The following BCAT1 variants were observed in gnomAD, a reference collection of about 807,000 sequenced individuals.
BCAT1 encodes branched chain amino acid transaminase 1.
In BCAT1, 48 loss-of-function variants were observed where a neutral mutation model predicts 52.4. The observed-to-expected ratio is 0.92, with a 90% CI of 0.73 to 1.16. The LOEUF is 1.16. BCAT1 is among the 50% of genes most tolerant of loss of function. The probability of loss-of-function intolerance (pLI) is 0.00; values close to 1 mark genes in which losing one functional copy is unlikely to be tolerated. For synonymous variants in BCAT1, 167 were observed against 161.3 expected (o/e 1.04, Z -0.27); for missense variants, 451 against 457.1 (o/e 0.99, Z 0.12).
chr12:24,876,260 T>TAAAAAAAAAAAAAAAA (rs71448093), intron 5 of BCAT1, among the ~76,000 whole-genome samples: 2 of 109,846 alleles, frequency 1.8e-5, no homozygotes, highest in Admixed American at 1.0e-4. Context: ...GAGGGAGATG[T>TAAAAAAAAAAAAAAAA]AAAAAAAAAA....
intron 3 of BCAT1, among the ~76,000 whole-genome samples, chr12:24,882,414 A>G (rs997307948): frequency 3.9e-5 from 6 of 152,222 alleles, no homozygotes; most frequent in Non-Finnish European, 7.3e-5. Flanking sequence ...CAAATCATGT[A>G]TAATTAAAAA....
intron 3 of BCAT1, among the ~76,000 whole-genome samples, chr12:24,893,176 T>A (rs994745168): frequency 2.0e-5 from 3 of 152,226 alleles, no homozygotes; most frequent in African/African-American, 7.2e-5. Flanking sequence ...CTGTGTAATA[T>A]TAGTCAAGAA....
At chr12:24,882,413 T>C (rs76575381) in intron 3 of BCAT1, among the ~76,000 whole-genome samples, 2 of 152,270 alleles carry the variant, frequency 1.3e-5, no homozygotes, top group East Asian at 3.9e-4. Flanking sequence ...ACAAATCATG[T>C]ATAATTAAAA....
At chr12:24,901,504 T>G (rs1239151802) in intron 2 of BCAT1, among the ~76,000 whole-genome samples, 1 of 152,250 alleles carries the variant, frequency 6.6e-6, no homozygotes, top group Non-Finnish European at 1.5e-5. Context: ...ACAAGTAGAC[T>G]GAAGGTTTGT....
At chr12:24,833,501 G>C (rs1235836759) in intron 8 of BCAT1, among the ~76,000 whole-genome samples, 1 of 152,034 alleles carries the variant, frequency 6.6e-6, no homozygotes, top group Non-Finnish European at 1.5e-5. Context: ...CCTGGGTGAC[G>C]GAGTGAGACT....
Position 24,947,653 on chromosome 12 carries a change from T to C in BCAT1, c.6+1274A>G, listed in dbSNP as rs1253815391. 2.6e-5 allele frequency among the ~76,000 whole-genome samples: 4 copies of C among 152,338 alleles called. No homozygotes were observed. The East Asian group carries it at 7.7e-4, about 29-fold the overall frequency. ...ACTACTTGTAGATATCTTACCTAGT[T>C]CCCCATGTTATAAAAGTATCTTGTG... On this transcript the variant is annotated intron_variant, in intron 1 of 10. Coordinates refer to ENST00000261192, the MANE Select transcript of BCAT1 (RefSeq NM_005504.7).
At chr12:24,898,662 T>C (rs11047695) in intron 2 of BCAT1, among the ~76,000 whole-genome samples, 25,363 of 151,408 alleles carry the variant, frequency 0.17, 2,221 homozygotes, top group Middle Eastern at 0.27. Context: ...ATTACAGGCA[T>C]GTGTCATCGC....
intron 10 of BCAT1, among the ~76,000 whole-genome samples, chr12:24,818,583 G>T (rs995879868): frequency 6.6e-6 from 1 of 152,150 alleles, no homozygotes; most frequent in Non-Finnish European, 1.5e-5. Context: ...AAATGATTCC[G>T]ACATGCACTA....
chr12:24,932,594 T>C (rs1056594374), intron 1 of BCAT1, among the ~76,000 whole-genome samples: 1 of 152,252 alleles, frequency 6.6e-6, no homozygotes, highest in African/African-American at 2.4e-5. Flanking sequence ...AGTACTTACA[T>C]AGTACTTATT....
At chr12:24,820,823 T>C (rs2139316545) in intron 10 of BCAT1, among the ~76,000 whole-genome samples, 1 of 69,146 alleles carries the variant, frequency 1.4e-5, no homozygotes, top group Non-Finnish European at 3.0e-5. Flanking sequence ...GATAATTTCA[T>C]ACGGCTTTGC....
At chr12:24,863,179 G>C (rs138453244) in intron 5 of BCAT1, among the ~76,000 whole-genome samples, 6 of 152,186 alleles carry the variant, frequency 3.9e-5, no homozygotes, top group Non-Finnish European at 8.8e-5. Context: ...AAGTGGAAAA[G>C]ACTAAAAGAA....
At chr12:24,823,485 T>C (rs1940237466) in intron 10 of BCAT1, among the ~76,000 whole-genome samples, 1 of 152,140 alleles carries the variant, frequency 6.6e-6, no homozygotes, top group South Asian at 2.1e-4. Flanking sequence ...ACAAGAACAT[T>C]TACTTTAGTC....
At chr12:24,917,279 C>T (rs528597001) in intron 1 of BCAT1, among the ~76,000 whole-genome samples, 1 of 148,798 alleles carries the variant, frequency 6.7e-6, no homozygotes, top group Non-Finnish European at 1.5e-5. Context: ...TGCCGCTTCG[C>T]GCCATTCTTC....
chr12:24,923,325 G>A (rs1943529778), intron 1 of BCAT1, among the ~76,000 whole-genome samples: 2 of 152,168 alleles, frequency 1.3e-5, no homozygotes, highest in African/African-American at 2.4e-5. Context: ...TTCTACACAG[G>A]AGTAGACTGA....
chr12:24,891,049 G>T (rs2139641322), intron 3 of BCAT1, among the ~76,000 whole-genome samples: 1 of 152,304 alleles, frequency 6.6e-6, no homozygotes, highest in South Asian at 2.1e-4. Flanking sequence ...TGGTGTGAGA[G>T]TAGAGGAAAA....
In BCAT1 at chr12:24,873,028, G is replaced by GGTCTGTGTGTCCAC. The variant is rs1431638926; in HGVS notation, c.510+5488_510+5501dup. ...GAATCCCCGAGGAAATAAAGGTCTGGGTCTGTGTGTCCACATGTGTTTGTA... is the reference window on the plus strand; with the variant it reads ...GAATCCCCGAGGAAATAAAGGTCTGGGTCTGTGTGTCCACGTCTGTGTGTCCACATGTGTTTGTA... On this transcript the variant is annotated intron_variant, in intron 5 of 10. Coordinates refer to ENST00000261192, the MANE Select transcript of BCAT1 (RefSeq NM_005504.7). 5.3e-5 allele frequency among the ~76,000 whole-genome samples: 8 copies of GGTCTGTGTGTCCAC among 152,322 alleles called. No homozygotes were observed. The East Asian group carries it at 1.5e-3, about 29-fold the overall frequency.
intron 1 of BCAT1, among the ~76,000 whole-genome samples, chr12:24,925,408 T>C (rs1419459167): frequency 6.6e-6 from 1 of 151,902 alleles, no homozygotes; most frequent in African/African-American, 2.4e-5. Context: ...TTAAAATAAA[T>C]CTCTCTCTCT....
intron 6 of BCAT1, among the ~76,000 whole-genome samples, chr12:24,848,371 T>G (rs1268284586): frequency 2.0e-5 from 3 of 152,224 alleles, no homozygotes; most frequent in Admixed American, 2.0e-4. Context: ...TAGGGTTCAC[T>G]CTGTGTGGTA....
intron 4 of BCAT1, 148 bp downstream of exon 4, chr12:24,881,153 C>T: frequency 1.7e-6 from 1 of 586,682 alleles, no homozygotes; most frequent in Non-Finnish European, 2.8e-6. Context: ...GTATTTTTAC[C>T]TAACTAAAGT....
Sources: allele counts gnomAD v4.1 joint callset (sites outside exome capture counted in the v4.1 genomes callset), GRCh38; gene constraint gnomAD v4.1.1; transcripts MANE v1.5; gene names NCBI Gene and HGNC (gene_info 2026-07-23, HGNC 2026-07-21).